PRR5L: variants seen among roughly 807,000 people sequenced by gnomAD.
The protein encoded by PRR5L is proline rich 5 like, also known as proline-rich protein 5-like.
PRR5L carries 21 observed loss-of-function variants against 36.4 expected under a neutral mutation model. The observed-to-expected ratio is 0.58, with a 90% CI of 0.41 to 0.83. The LOEUF (loss-of-function observed/expected upper bound fraction) is 0.83. PRR5L is among the 40% of genes least tolerant of loss of function. The pLI is 0.00. For synonymous variants in PRR5L, 188 were observed against 197.0 expected (o/e 0.95, Z 0.38); for missense variants, 381 against 473.3 (o/e 0.80, Z 1.81).
At chr11:36,412,279 T>G (rs1858043314) in intron 3 of PRR5L, among the ~76,000 whole-genome samples, 1 of 152,150 alleles carries the variant, frequency 6.6e-6, no homozygotes, top group Non-Finnish European at 1.5e-5. Context: ...TACAGTTCTG[T>G]TTTAGGCTTA....
intron 1 of PRR5L, among the ~76,000 whole-genome samples, chr11:36,368,496 T>G (rs1229648564): frequency 6.6e-6 from 1 of 152,196 alleles, no homozygotes; most frequent in Non-Finnish European, 1.5e-5. Context: ...ATTCTCAAAA[T>G]GTAGTTCAGG....
At chr11:36,387,380 A>G (rs1286698310) in intron 1 of PRR5L, among the ~76,000 whole-genome samples, 1 of 152,136 alleles carries the variant, frequency 6.6e-6, no homozygotes, top group Non-Finnish European at 1.5e-5. Flanking sequence ...ACAAACCTGC[A>G]CGTTGTGCAC....
chr11:36,304,669 C>T (rs1856411335), intron 1 of PRR5L, among the ~76,000 whole-genome samples: 1 of 152,184 alleles, frequency 6.6e-6, no homozygotes, highest in African/African-American at 2.4e-5. Context: ...CTTCCTTCTG[C>T]ATGTACTGTT....
At chr11:36,326,302 T>TACACAC (rs3083243) in intron 1 of PRR5L, among the ~76,000 whole-genome samples, 4,063 of 147,440 alleles carry the variant, frequency 0.028, 60 homozygotes, top group Admixed American at 0.046. Flanking sequence ...CCCCAATAGA[T>TACACAC]ACACACACAC....
At chr11:36,437,943 G>A (rs1018071719) in intron 6 of PRR5L, among the ~76,000 whole-genome samples, 7 of 152,154 alleles carry the variant, frequency 4.6e-5, no homozygotes, top group Non-Finnish European at 7.3e-5. Context: ...GGGATCCTAC[G>A]TGATTTAGTA....
intron 1 of PRR5L, among the ~76,000 whole-genome samples, chr11:36,382,436 G>A (rs907313842): frequency 6.6e-6 from 1 of 152,220 alleles, no homozygotes; most frequent in Admixed American, 6.5e-5. Context: ...GGCCAAGGAA[G>A]CATGGTCTAG....
intron 1 of PRR5L, among the ~76,000 whole-genome samples, chr11:36,332,044 A>G (rs1338686090): frequency 6.6e-6 from 1 of 152,194 alleles, no homozygotes; most frequent in East Asian, 1.9e-4. Context: ...GAAATAAAAA[A>G]TCATTCACCT....
rs1857253223 is a variant in PRR5L, at chr11:36,376,087, G to A, written c.-125-24910G>A. The A allele has an allele frequency of 9.2e-6, 11 of 1,201,240 alleles. No homozygotes were observed. The South Asian group carries it at 1.4e-4, about 15-fold the overall frequency. The allele number at this position is 1,201,240 out of a possible 1,614,324, so 74.4% of individuals were successfully genotyped here. On this transcript the variant is annotated intron_variant, in intron 1 of 8. Transcript: ENST00000530639. Reference sequence around the variant, plus strand: ...CGCAAGCACGGAGCTCCCTTGACCTGCTGCATCCTCCTCGGCAATTTTTTT... The same window carrying A: ...CGCAAGCACGGAGCTCCCTTGACCTACTGCATCCTCCTCGGCAATTTTTTT...
At chr11:36,428,992 G>A (rs529626707) in intron 4 of PRR5L, among the ~76,000 whole-genome samples, 1 of 152,124 alleles carries the variant, frequency 6.6e-6, no homozygotes, top group Non-Finnish European at 1.5e-5. Context: ...TTTTAAAAGA[G>A]TATTTTCTTT....
intron 1 of PRR5L, among the ~76,000 whole-genome samples, chr11:36,327,758 C>T (rs775312268): frequency 6.6e-6 from 1 of 152,208 alleles, no homozygotes; most frequent in Non-Finnish European, 1.5e-5. Flanking sequence ...TCTATTGACT[C>T]CAGGTCTTTA....
At chr11:36,371,699 C>G (rs1480522527) in intron 1 of PRR5L, among the ~76,000 whole-genome samples, 2 of 152,198 alleles carry the variant, frequency 1.3e-5, no homozygotes, top group Non-Finnish European at 2.9e-5. Context: ...GATCAAACTT[C>G]AAACACCTAA....
rs540871220 is a variant in PRR5L at position 36,411,215 on chromosome 11, G to A, written c.245+7837G>A. On this transcript the variant is annotated intron_variant, in intron 3 of 8. Transcript: ENST00000530639. ...GAGGTGATTTCCCTCTGTCACTTCCGCGCTTGCCCACTCTGCTGCCATCCT... is the reference window on the plus strand; with the variant it reads ...GAGGTGATTTCCCTCTGTCACTTCCACGCTTGCCCACTCTGCTGCCATCCT... 6.2e-4 allele frequency among the ~76,000 whole-genome samples: 95 copies of A among 152,222 alleles called. 1 individual carries two copies. Among genetic ancestry groups the A allele is most frequent in the African/African-American group, 2.2e-3 (90 of 41,530 alleles).
At chr11:36,413,745 G>A (rs568488779) in intron 3 of PRR5L, among the ~76,000 whole-genome samples, 2 of 144,712 alleles carry the variant, frequency 1.4e-5, no homozygotes, top group East Asian at 2.1e-4. Flanking sequence ...TACTTTTAGT[G>A]TACGTGTGCA....
At position 36,309,311 on chromosome 11, in the gene PRR5L, G is replaced by A. The variant is rs532004636; in HGVS notation, c.-126+12873G>A. On this transcript the variant is annotated intron_variant, in intron 1 of 8. Transcript: ENST00000530639. ...TGTGTTTCATCATCAATACGCAAAT[G>A]TAGAATAATGTAGAAGAAAGAGCAC... 2.6e-5 allele frequency among the ~76,000 whole-genome samples: 4 copies of A among 152,318 alleles called. No individual in the cohort carries two copies. In the South Asian group the frequency reaches 8.3e-4, roughly 32 times the overall value.
At chr11:36,369,527 C>T (rs1857177165) in intron 1 of PRR5L, among the ~76,000 whole-genome samples, 1 of 152,124 alleles carries the variant, frequency 6.6e-6, no homozygotes, top group Non-Finnish European at 1.5e-5. Context: ...AGATGCCCCC[C>T]AAAGGCATCT....
chr11:36,338,154 A>G (rs1320557780), intron 1 of PRR5L, among the ~76,000 whole-genome samples: 1 of 152,234 alleles, frequency 6.6e-6, no homozygotes, highest in Non-Finnish European at 1.5e-5. Flanking sequence ...AAAAAGGAAG[A>G]AGGGGAGACA....
chr11:36,347,877 G>C (rs950877450), intron 1 of PRR5L, among the ~76,000 whole-genome samples: 2 of 152,012 alleles, frequency 1.3e-5, no homozygotes, highest in South Asian at 4.1e-4. Flanking sequence ...CCTGAACTTT[G>C]GGATAGATAG....
intron 1 of PRR5L, among the ~76,000 whole-genome samples, chr11:36,297,827 T>C (rs1039711372): frequency 1.3e-5 from 2 of 152,180 alleles, no homozygotes; most frequent in Non-Finnish European, 2.9e-5. Context: ...GGTTGGCTTC[T>C]CATTTCCCAC....
At chr11:36,452,789 AAAACAGTTTTTCTTCC>A (rs1388243652) in intron 8 of PRR5L, among the ~76,000 whole-genome samples, 2 of 152,210 alleles carry the variant, frequency 1.3e-5, no homozygotes, top group Non-Finnish European at 2.9e-5. Context: ...TAGAGGAAGA[AAAACAGTTTTTCTTCC>A]AACTCTCCTA....
Sources: gnomAD v4.1 joint callset for allele counts (sites outside exome capture counted in the v4.1 genomes callset) on GRCh38, gnomAD v4.1.1 for gene constraint, MANE v1.5 for transcripts, NCBI Gene and HGNC (gene_info 2026-07-23, HGNC 2026-07-21) for gene names.